The following CDH13 variants were observed in gnomAD, a reference collection of about 807,000 sequenced individuals.
CDH13 encodes cadherin 13.
In CDH13, 24 loss-of-function variants were observed where a neutral mutation model predicts 63.8. That is an observed-to-expected ratio of 0.38 (90% CI 0.27 to 0.53). The LOEUF is 0.53. Ranked by LOEUF, CDH13 falls within the 20% of genes least tolerant of loss-of-function variation. The pLI is 0.85. For missense variants in CDH13, 1,049 were observed against 903.1 expected (o/e 1.16, Z -2.07); for synonymous variants, 503 against 355.3 (o/e 1.42, Z -4.67).
chr16:82,812,509 G>C (rs2037498906), intron 1 of CDH13, among the ~76,000 whole-genome samples: 1 of 152,062 alleles, frequency 6.6e-6, no homozygotes, highest in Admixed American at 6.6e-5. Context: ...GTGCAGGGAA[G>C]ACAAGCAGAG....
At chr16:83,314,667 T>G (rs2090069814) in intron 5 of CDH13, among the ~76,000 whole-genome samples, 2 of 152,034 alleles carry the variant, frequency 1.3e-5, no homozygotes, top group African/African-American at 2.4e-5. Context: ...GAAAAGAAAA[T>G]GGCGGTGTTG....
intron 10 of CDH13, among the ~76,000 whole-genome samples, chr16:83,726,536 A>G (rs1910406765): frequency 1.3e-5 from 2 of 152,114 alleles, no homozygotes; most frequent in Admixed American, 1.3e-4. Flanking sequence ...ATGGAAGAAA[A>G]ATCAAAACAT....
At chr16:83,687,297 A>C (rs1904400867) in intron 10 of CDH13, among the ~76,000 whole-genome samples, 1 of 152,218 alleles carries the variant, frequency 6.6e-6, no homozygotes, top group Admixed American at 6.5e-5. Flanking sequence ...ATTTATAAAG[A>C]AAATGATTTA....
intron 6 of CDH13, among the ~76,000 whole-genome samples, chr16:83,349,578 G>T (rs2090908250): frequency 2.3e-5 from 2 of 88,848 alleles, no homozygotes; most frequent in Non-Finnish European, 2.2e-5. Context: ...ACAACTTGAG[G>T]TGCATTATTA....
intron 6 of CDH13, among the ~76,000 whole-genome samples, chr16:83,366,356 G>A (rs1251385103): frequency 3.9e-5 from 6 of 152,140 alleles, no homozygotes; most frequent in East Asian, 3.9e-4. Context: ...TTTGGTATGC[G>A]TGCGATGCCA....
At chr16:83,072,073 A>C (rs541516086) in intron 3 of CDH13, among the ~76,000 whole-genome samples, 1 of 152,314 alleles carries the variant, frequency 6.6e-6, no homozygotes, top group South Asian at 2.1e-4. Flanking sequence ...AACCCAGTGC[A>C]TGCAAATATG....
intron 4 of CDH13, among the ~76,000 whole-genome samples, chr16:83,165,385 G>C (rs2037622468): frequency 6.6e-6 from 1 of 152,160 alleles, no homozygotes; most frequent in Non-Finnish European, 1.5e-5. Flanking sequence ...GAGGCTGGTT[G>C]TGTGCTTAAC....
At chr16:82,798,235 T>A (rs2151154347) in intron 1 of CDH13, among the ~76,000 whole-genome samples, 1 of 152,280 alleles carries the variant, frequency 6.6e-6, no homozygotes, top group Admixed American at 6.5e-5. Flanking sequence ...CCTCTCCAGT[T>A]TACAAATCTA....
intron 12 of CDH13, among the ~76,000 whole-genome samples, chr16:83,782,930 A>G (rs745964938): frequency 3.3e-5 from 5 of 152,000 alleles, no homozygotes; most frequent in Admixed American, 6.6e-5. Flanking sequence ...GTAATCAATC[A>G]TCTTCATGAA....
intron 1 of CDH13, among the ~76,000 whole-genome samples, chr16:82,789,304 C>G (rs151049435): frequency 1.3e-4 from 20 of 152,076 alleles, no homozygotes; most frequent in Non-Finnish European, 2.4e-4. Context: ...TCCTTAAGCT[C>G]GGAGTTAAAA....
chr16:83,041,387 G>A (rs1032954934), intron 3 of CDH13, among the ~76,000 whole-genome samples: 3 of 151,816 alleles, frequency 2.0e-5, no homozygotes, highest in African/African-American at 4.8e-5. Context: ...AATCAGGATG[G>A]AAATGGTTCC....
chr16:83,446,309 A>T (rs927289967), intron 6 of CDH13, among the ~76,000 whole-genome samples: 3 of 151,824 alleles, frequency 2.0e-5, no homozygotes, highest in Non-Finnish European at 2.9e-5. Context: ...TCAAAAAAAA[A>T]AAAAAAAGAA....
chr16:83,419,741 G>A (rs909063887), intron 6 of CDH13, among the ~76,000 whole-genome samples: 2 of 152,114 alleles, frequency 1.3e-5, no homozygotes, highest in Non-Finnish European at 2.9e-5. Context: ...CTGGCATTGT[G>A]GTTATATACT....
rs10514571 is a variant in CDH13 at position 83,422,210 on chromosome 16, G to C, written c.782-64267G>C. On this transcript the variant is annotated intron_variant, in intron 6 of 13. Coordinates refer to ENST00000567109, the MANE Select transcript of CDH13 (RefSeq NM_001257.5). ...GGATTTTTCCATAATACTATTTTTC[G>C]TAAGTTGTACTGTATAAAAATAATT... 1.2e-4 allele frequency among the ~76,000 whole-genome samples: 19 copies of C among 152,066 alleles called. No individual in the cohort carries two copies. The East Asian group carries it at 3.1e-3, about 25-fold the overall frequency.
At chr16:82,818,632 G>C (rs998220250) in intron 1 of CDH13, among the ~76,000 whole-genome samples, 1 of 152,158 alleles carries the variant, frequency 6.6e-6, no homozygotes, top group Admixed American at 6.5e-5. Flanking sequence ...TTACCTTTTA[G>C]AGGTGCTCAA....
chr16:82,763,106 G>A (rs1451906687), intron 1 of CDH13, among the ~76,000 whole-genome samples: 3 of 152,122 alleles, frequency 2.0e-5, no homozygotes, highest in Non-Finnish European at 4.4e-5. Context: ...CACCCCAGGC[G>A]TCCTTGTACC....
At chr16:83,204,293 T>G (rs1295243400) in intron 4 of CDH13, among the ~76,000 whole-genome samples, 1 of 152,198 alleles carries the variant, frequency 6.6e-6, no homozygotes, top group Non-Finnish European at 1.5e-5. Context: ...TAGCAGACTT[T>G]GGCAAGGTTT....
intron 3 of CDH13, among the ~76,000 whole-genome samples, chr16:83,046,940 C>G (rs1016661340): frequency 6.6e-6 from 1 of 152,218 alleles, no homozygotes; most frequent in Non-Finnish European, 1.5e-5. Flanking sequence ...TCCCCGATGG[C>G]TACACTGTGT....
chr16:82,998,574 C>A (rs1281293292), intron 2 of CDH13, among the ~76,000 whole-genome samples: 1 of 152,120 alleles, frequency 6.6e-6, no homozygotes, highest in Non-Finnish European at 1.5e-5. Flanking sequence ...TCTGCTTGGA[C>A]CTTGTTTCAT....
Sources: allele counts gnomAD v4.1 joint callset (sites outside exome capture counted in the v4.1 genomes callset), GRCh38; gene constraint gnomAD v4.1.1; transcripts MANE v1.5; gene names NCBI Gene and HGNC (gene_info 2026-07-23, HGNC 2026-07-21).